MCM10: variants seen among roughly 807,000 people sequenced by gnomAD.
The protein encoded by MCM10 is minichromosome maintenance 10 replication initiation factor, also known as protein MCM10 homolog.
In MCM10, 91 loss-of-function variants were observed where a neutral mutation model predicts 109.9. The ratio of observed to expected loss-of-function variants is 0.83; its 90% CI spans 0.70 to 0.99. MCM10 has a LOEUF of 0.99. Ranked by LOEUF, MCM10 falls within the 50% of genes least tolerant of loss-of-function variation. The probability of loss-of-function intolerance (pLI) is 0.00; values close to 1 mark genes in which losing one functional copy is unlikely to be tolerated. For missense variants in MCM10, 1,077 were observed against 1,061.2 expected, an observed-to-expected ratio of 1.01 and a Z score of -0.21; for synonymous variants, 380 against 387.2, an observed-to-expected ratio of 0.98 and a Z score of 0.22.
Position 13,171,247 on chromosome 10 carries a change from G to C in MCM10, c.333G>C (p.Thr111=). The C allele has an allele frequency of 6.2e-7, 1 of 1,609,502 alleles. No individual in the cohort carries two copies. The highest frequency in any genetic ancestry group is 8.5e-7 in the Non-Finnish European group (1 of 1,177,902). Residue 111 remains threonine, a synonymous_variant, in exon 3 of 20, where the codon ACG becomes ACC. Transcript: ENST00000378714. ...CTCCTGCCCCCAGGCGAGAGAAAAC[G>C]AATGAAGAGTTGCAAGGTGCCCTAA... ...LPAPAPRREK[T]NEELQEELRN...
At chr10:13,208,216 T>C (rs1388718212) in intron 18 of MCM10, among the ~76,000 whole-genome samples, 1 of 151,580 alleles carries the variant, frequency 6.6e-6, no homozygotes, top group African/African-American at 2.4e-5. Context: ...AGACTCCCCA[T>C]CTCTACAGAA....
Position 13,209,898 on chromosome 10 carries a change from C to G in MCM10, c.*588C>G, listed in dbSNP as rs1834635244. 6.5e-6 allele frequency: 1 copy of G among 152,704 alleles called. No homozygotes were observed. The highest frequency in any genetic ancestry group is 1.5e-5 in the Non-Finnish European group (1 of 68,522). The allele number at this position is 152,704 out of a possible 1,614,324, so 9.5% of individuals were successfully genotyped here. A position where few individuals can be genotyped will look rare whatever the true frequency, so the allele number is the denominator to read the frequency against. ...ACATTAAAAGCCAGATTTCTTCATT[C>G]AATTCTGTTATCTCTGTTTTACTCT... On this transcript the variant is annotated 3_prime_UTR_variant, in exon 20 of 20. Coordinates refer to ENST00000378714, the MANE Select transcript of MCM10 (RefSeq NM_018518.5).
chr10:13,166,649 A>ACATATATATATATATAT (rs1554773845), intron 2 of MCM10, among the ~76,000 whole-genome samples: 4 of 41,510 alleles, frequency 9.6e-5, no homozygotes, highest in African/African-American at 2.3e-4. Context: ...AAAAAAAAAA[A>ACATATATATATATATAT]ATACATACAT....
Position 13,180,432 on chromosome 10 carries a change from C to A in MCM10, c.765-10C>A, listed in dbSNP as rs760069922. The A allele has an allele frequency of 6.2e-7, 1 of 1,604,562 alleles. No homozygotes were observed. On this transcript the variant is annotated splice_polypyrimidine_tract_variant and intron_variant, in intron 6 of 19. Coordinates refer to ENST00000378714, the MANE Select transcript of MCM10 (RefSeq NM_018518.5). ...AATCATAATTACTAATCGCTGGTTT[C>A]TTAACCCAGGCGGCCTCGAGTATCC...
At chr10:13,200,300 G>C (rs775844815) in intron 16 of MCM10, among the ~76,000 whole-genome samples, 2 of 152,142 alleles carry the variant, frequency 1.3e-5, no homozygotes, top group Non-Finnish European at 2.9e-5. Context: ...AGCCAGGCAG[G>C]ATGAGAAGCA....
intron 13 of MCM10, 67 bp from the exon 14 acceptor site, chr10:13,194,974 C>G (rs1834395604): frequency 6.8e-7 from 1 of 1,471,878 alleles, no homozygotes; most frequent in Non-Finnish European, 9.3e-7. Flanking sequence ...TCCCAGTCCA[C>G]TTTGAGTTCT....
At chr10:13,202,085 G>A (rs553573224) in intron 17 of MCM10, among the ~76,000 whole-genome samples, 54 of 152,310 alleles carry the variant, frequency 3.5e-4, no homozygotes, top group Middle Eastern at 3.4e-3. Flanking sequence ...AGGGCTGGGT[G>A]TGATGGCTCA....
Position 13,192,292 on chromosome 10 carries a change from C to G in MCM10, c.1554C>G (p.Phe518Leu), listed in dbSNP as rs766235434. Residue 518 changes from phenylalanine to leucine, a missense_variant, in exon 12 of 20, where the codon TTC becomes TTG. By Grantham distance (22) the Phe-to-Leu change is conservative. Coordinates refer to ENST00000378714, the MANE Select transcript of MCM10 (RefSeq NM_018518.5). ...AGAGCCTGTCTTGCTCTGAGGAGTT[C>G]AAGGAACTGATGGACCTGCCGACGT... ...PQKSLSCSEE[F>L]KELMDLPTCG... 1.9e-6 allele frequency: 3 copies of G among 1,614,146 alleles called. No homozygotes were observed. Among genetic ancestry groups the G allele is most frequent in the Non-Finnish European group, 2.5e-6 (3 of 1,180,020 alleles).
At chr10:13,177,110 C>A (rs1369764835) in intron 6 of MCM10, among the ~76,000 whole-genome samples, 1 of 152,176 alleles carries the variant, frequency 6.6e-6, no homozygotes, top group Non-Finnish European at 1.5e-5. Flanking sequence ...TTGAAGCTCC[C>A]TATGGGTAAT....
chr10:13,188,990 T>G lies in MCM10; in HGVS notation c.1325T>G (p.Phe442Cys). The change falls in exon 10 of 20, where the codon TTT becomes TGT. Residue 442 changes from phenylalanine (F) to cysteine (C), a missense_variant. Transcript: ENST00000378714. ...TCTGGAGGACGAATTCCAAAGAAGT[T>G]TGCCCGCAGAGGCACCAGCCTCAAA... is the stretch of plus-strand genomic sequence containing the variant. Reference protein sequence around the residue: ...TFSGGRIPKKFARRGTSLKER... With the variant: ...TFSGGRIPKKCARRGTSLKER... The G allele has an allele frequency of 6.2e-7, 1 of 1,614,238 alleles. No homozygotes were observed. The highest frequency in any genetic ancestry group is 8.5e-7 in the Non-Finnish European group (1 of 1,180,038).
Position 13,182,162 on chromosome 10 carries a change from ACTT to A in MCM10, c.931-767_931-765del, listed in dbSNP as rs1834217638. Among the ~76,000 whole-genome samples the A allele has an allele frequency of 1.3e-5, 2 of 152,154 alleles. No individual in the cohort carries two copies. Among genetic ancestry groups the A allele is most frequent in the Non-Finnish European group, 1.5e-5 (1 of 68,034 alleles). Reference sequence around the variant, plus strand: ...AGAGATGTAATAGCCTAGAAAGGAAACTTCTTTTTTCATATTAATAATAGACTT... The same window carrying A: ...AGAGATGTAATAGCCTAGAAAGGAAACTTTTTTCATATTAATAATAGACTT... On this transcript the variant is annotated intron_variant, in intron 7 of 19. Transcript: ENST00000378714. This position sits in a 1 kb window ranked among gnomAD's most constrained non-coding sequence, Gnocchi z 4.2.
chr10:13,168,909 C>T (rs1050869930), intron 2 of MCM10, among the ~76,000 whole-genome samples: 3 of 152,136 alleles, frequency 2.0e-5, no homozygotes, highest in Non-Finnish European at 4.4e-5. Flanking sequence ...AAAAAGCAGC[C>T]CCCAAGTAAT....
chr10:13,180,082 C>T (rs1588470071), intron 6 of MCM10, among the ~76,000 whole-genome samples: 1 of 152,130 alleles, frequency 6.6e-6, no homozygotes, highest in East Asian at 1.9e-4. Flanking sequence ...GGCAAAACCC[C>T]ATCTCTACTA....
intron 6 of MCM10, among the ~76,000 whole-genome samples, chr10:13,177,507 G>GC (rs1353350347): frequency 4.3e-5 from 4 of 92,340 alleles, no homozygotes; most frequent in Admixed American, 1.1e-4. Context: ...AGATTTTGGA[G>GC]CTTTTTTTTT....
In MCM10 at chr10:13,180,504, T is replaced by A; in HGVS notation, c.827T>A (p.Leu276Gln). Residue 276 changes from leucine to glutamine, a missense_variant, in exon 7 of 20, where the codon CTG becomes CAG. Physicochemically the swap from Leu to Gln is moderately radical, Grantham distance 113 (BLOSUM62 -2). Coordinates refer to ENST00000378714, the MANE Select transcript of MCM10 (RefSeq NM_018518.5). ...ATGACCGGCCGAAAACTGATCAGAC[T>A]GTCTCAGATCAAGGAAAAGATGGCC... ...KKMTGRKLIR[L>Q]SQIKEKMARE... The A allele has an allele frequency of 6.2e-7, 1 of 1,612,902 alleles. No individual in the cohort carries two copies. Among genetic ancestry groups the A allele is most frequent in the South Asian group, 1.1e-5 (1 of 91,040 alleles).
intron 6 of MCM10, among the ~76,000 whole-genome samples, chr10:13,176,694 C>T (rs1021801036): frequency 2.0e-5 from 3 of 152,102 alleles, no homozygotes; most frequent in Admixed American, 1.3e-4. Flanking sequence ...GTCAGGAGCT[C>T]GAGACTAGCT....
intron 2 of MCM10, among the ~76,000 whole-genome samples, chr10:13,167,829 A>G (rs1283796376): frequency 6.6e-6 from 1 of 152,214 alleles, no homozygotes; most frequent in African/African-American, 2.4e-5. Context: ...GTGAACAATT[A>G]AATGCTTTCC....
chr10:13,206,501 A>C (rs1834582693), intron 18 of MCM10, among the ~76,000 whole-genome samples: 1 of 152,172 alleles, frequency 6.6e-6, no homozygotes, highest in African/African-American at 2.4e-5. Flanking sequence ...CAGAGATCTG[A>C]GGGAGGGAGC....
chr10:13,166,661 C>CATATATATAT (rs60500036), intron 2 of MCM10, among the ~76,000 whole-genome samples: 40 of 89,660 alleles, frequency 4.5e-4, no homozygotes, highest in African/African-American at 1.3e-3. Context: ...TACATACATA[C>CATATATATAT]ATATATATAT....
Sources: allele counts gnomAD v4.1 joint callset (sites outside exome capture counted in the v4.1 genomes callset), GRCh38; gene constraint gnomAD v4.1.1; non-coding constraint Gnocchi (gnomAD v3.1); transcripts MANE v1.5; gene names NCBI Gene and HGNC (gene_info 2026-07-23, HGNC 2026-07-21).